DNAH2: variants seen among roughly 807,000 people sequenced by gnomAD.
DNAH2 encodes axonemal beta dynein heavy chain 2.
DNAH2 carries 323 observed loss-of-function variants against 523.5 expected under a neutral mutation model. That is an observed-to-expected ratio of 0.62 (90% CI 0.56 to 0.68). The LOEUF (loss-of-function observed/expected upper bound fraction) is 0.68. Ranked by LOEUF, DNAH2 falls within the 30% of genes least tolerant of loss-of-function variation. The probability of loss-of-function intolerance (pLI) is 0.00; values close to 1 mark genes in which losing one functional copy is unlikely to be tolerated. For missense variants in DNAH2, 4,907 were observed against 5,701.5 expected (o/e 0.86, Z 4.49); for synonymous variants, 2,093 against 2,177.4 (o/e 0.96, Z 1.08).
In DNAH2 at chr17:7,763,836, C is replaced by T. The variant is rs748734132; in HGVS notation, c.2984C>T (p.Thr995Met). Residue 995 changes from threonine to methionine, a missense_variant, in exon 19 of 86, where the codon ACG (threonine) becomes ATG (methionine). Coordinates refer to ENST00000572933, the MANE Select transcript of DNAH2 (RefSeq NM_020877.5). ...SSFVADIARYTEVANNVQKEE... is the reference protein window; with the variant it reads ...SSFVADIARYMEVANNVQKEE... ...GGGATCTGGGGCTCTTGCAGCTACA[C>T]GGAAGTTGCTAATAACGTGCAGAAG... The T allele has an allele frequency of 3.7e-6, 6 of 1,613,920 alleles. No homozygotes were observed. The African/African-American group carries it at 4.0e-5, about 11-fold the overall frequency.
chr17:7,784,389 GAGAATCGGCCA>G (rs1211808944), intron 39 of DNAH2, among the ~76,000 whole-genome samples: 3 of 152,112 alleles, frequency 2.0e-5, no homozygotes, highest in Non-Finnish European at 4.4e-5. Flanking sequence ...TCAATAATTG[GAGAATCGGCCA>G]GGCATGTTGG....
intron 42 of DNAH2, chr17:7,787,408 A>G (rs1455476721): frequency 3.3e-6 from 1 of 303,506 alleles, no homozygotes; most frequent in Non-Finnish European, 6.1e-6. Context: ...TGATTTTTCA[A>G]AAGGACAACC....
At position 7,816,732 on chromosome 17, in the gene DNAH2, C is replaced by T; in HGVS notation, c.9891C>T (p.Val3297=). ...AGEKARWEET[V]QGLEEDLGYL... The stretch of plus-strand genomic sequence containing the variant: ...AGAAGGCCAGATGGGAGGAGACAGT[C>T]CAGGTGAGATCAGCTGTACTACCTG... Residue 3297 remains valine, a synonymous_variant, in exon 64 of 86, where the codon GTC becomes GTT. Coordinates refer to ENST00000572933, the MANE Select transcript of DNAH2 (RefSeq NM_020877.5). 2.5e-6 allele frequency: 4 copies of T among 1,613,508 alleles called. No individual in the cohort carries two copies. Among genetic ancestry groups the T allele is most frequent in the Non-Finnish European group, 3.4e-6 (4 of 1,179,988 alleles).
In DNAH2 at chr17:7,832,917, T is replaced by G. The variant is rs1474867421; in HGVS notation, c.12967T>G (p.Tyr4323Asp). Residue 4323 changes from tyrosine to aspartate, a missense_variant, in exon 84 of 86, where the codon TAT becomes GAT. By Grantham distance (160) the Tyr-to-Asp change is radical. This residue lies in a region of DNAH2 where 1,851 missense variants were observed against 2,139.4 expected (regional missense o/e 0.87). Transcript: ENST00000572933. This position sits in a 1 kb window ranked among gnomAD's most constrained non-coding sequence, Gnocchi z 4.3. ...CACTGTGGATGACAGCAACCTAGTGTATCCCCCCAAGGTGGGAGCCAGTTG... is the reference window on the plus strand; with the variant it reads ...CACTGTGGATGACAGCAACCTAGTGGATCCCCCCAAGGTGGGAGCCAGTTG... ...VSTVDDSNLV[Y>D]PPKDGVWVRG... The G allele has an allele frequency of 6.2e-7, 1 of 1,614,170 alleles. No individual in the cohort carries two copies. The highest frequency in any genetic ancestry group is 2.2e-5 in the East Asian group (1 of 44,884).
chr17:7,757,233 A>G lies in DNAH2; in HGVS notation c.2047A>G (p.Asn683Asp). 1 of 1,614,038 alleles carries G rather than the reference A, an allele frequency of 6.2e-7. No individual in the cohort carries two copies. Among genetic ancestry groups the G allele is most frequent in the South Asian group, 1.1e-5 (1 of 91,078 alleles). ...TCTGCTACTCGTTGCTAGAGACTAC[A>G]ATAGGTAGGGCTTCAGTCCTCACTG... ...ENLLLVARDY[N>D]RIIAMLSPDE... Residue 683 changes from asparagine to aspartate, a missense_variant, in exon 13 of 86, where the codon AAT (asparagine) becomes GAT (aspartate). Transcript: ENST00000572933.
chr17:7,742,875 C>CGTGT, intron 11 of DNAH2, 53 bp from the exon 12 acceptor site: 1 of 1,337,434 alleles, frequency 7.5e-7, no homozygotes, highest in Non-Finnish European at 9.8e-7. Context: ...AGATGGTGGC[C>CGTGT]CCTGGAGGAA....
rs765920479 is a variant in DNAH2 at position 7,737,121 on chromosome 17, C to A, written c.1033C>A (p.Pro345Thr). 5.0e-6 allele frequency: 8 copies of A among 1,614,138 alleles called. No homozygotes were observed. The highest frequency in any genetic ancestry group is 2.2e-5 in the East Asian group (1 of 44,884). The change falls in exon 8 of 86, where the codon CCT (proline) becomes ACT (threonine). Residue 345 changes from proline (P) to threonine (T), a missense_variant. Physicochemically the swap from Pro to Thr is conservative, Grantham distance 38. Coordinates refer to ENST00000572933, the MANE Select transcript of DNAH2 (RefSeq NM_020877.5). Reference sequence around the variant, plus strand: ...GACCTTTTTGTCAATCCTGAAGGAACCTTACCAGGAGTTGGCTTTCATGAA... The same window carrying A: ...GACCTTTTTGTCAATCCTGAAGGAAACTTACCAGGAGTTGGCTTTCATGAA... Reference protein sequence around the residue: ...NLTFLSILKEPYQELAFMKPK... With the variant: ...NLTFLSILKETYQELAFMKPK...
In DNAH2 at chr17:7,831,953, C is replaced by A. The variant is rs2078187776; in HGVS notation, c.12726+178C>A. Among the ~76,000 whole-genome samples the A allele has an allele frequency of 6.6e-6, 1 of 152,216 alleles. No homozygotes were observed. The stretch of plus-strand genomic sequence containing the variant: ...CCATTCATTGACTGACTTCATACAA[C>A]TTATTAACTTACAGACTCACTCAGG... On this transcript the variant is annotated intron_variant, in intron 82 of 85. Coordinates refer to ENST00000572933, the MANE Select transcript of DNAH2 (RefSeq NM_020877.5). This position sits in a 1 kb window ranked among gnomAD's most constrained non-coding sequence, Gnocchi z 4.2.
Position 7,821,163 on chromosome 17 carries a change from TA to T in DNAH2, c.11016-79del. On this transcript the variant is annotated intron_variant, in intron 72 of 85. Coordinates refer to ENST00000572933, the MANE Select transcript of DNAH2 (RefSeq NM_020877.5). The surrounding 1 kb of genome is among the most constrained non-coding windows in gnomAD (Gnocchi z 5.0). The stretch of plus-strand genomic sequence containing the variant: ...AGGTCCTCTGTGTGAAGCTGTGTGA[TA>T]GTAGCATCATAGCATTCGCATGGAG... 6.5e-7 allele frequency: 1 copy of T among 1,545,292 alleles called. No homozygotes were observed.
chr17:7,759,172 C>T (rs1042955034), intron 15 of DNAH2, 48 bp downstream of exon 15: 4 of 1,607,080 alleles, frequency 2.5e-6, no homozygotes, highest in East Asian at 4.5e-5. Flanking sequence ...ACCACAGTCC[C>T]CCAGTTCCAT....
At chr17:7,730,857 G>A (rs531025362) in intron 4 of DNAH2, among the ~76,000 whole-genome samples, 1 of 152,162 alleles carries the variant, frequency 6.6e-6, no homozygotes, top group Non-Finnish European at 1.5e-5. Flanking sequence ...GCTCACGCCT[G>A]TAATCCTAGC....
At chr17:7,823,800 T>A in intron 74 of DNAH2, 34 bp from the exon 75 acceptor site, 1 of 1,609,392 alleles carries the variant, frequency 6.2e-7, no homozygotes, top group Non-Finnish European at 8.5e-7. Context: ...CCAGACTCAC[T>A]CCCTCTCCCT....
chr17:7,833,499 G>T lies in DNAH2; in HGVS notation c.13250G>T (p.Arg4417Met), dbSNP rs1409543478. ...ATGACACCTGATCATTGGATCAAGA[G>T]GGGCACTGCTCTACTCATGAGCCTG... ...GAMTPDHWIKRGTALLMSLDS is the reference protein window; with the variant it reads ...GAMTPDHWIKMGTALLMSLDS The change falls in exon 86 of 86, where the codon AGG becomes ATG. Residue 4417 changes from arginine to methionine, a missense_variant. Transcript: ENST00000572933. 6.2e-7 allele frequency: 1 copy of T among 1,613,952 alleles called. No individual in the cohort carries two copies. The highest frequency in any genetic ancestry group is 1.7e-5 in the Admixed American group (1 of 60,002).
At position 7,760,839 on chromosome 17, in the gene DNAH2, A is replaced by C. The variant is rs2075984486; in HGVS notation, c.2885A>C (p.Tyr962Ser). ...AACTACCTCAAGACCTGGGACATGT[A>C]CCGGGAGATCTGGGAGATCAACAAG... ...LQNYLKTWDM[Y>S]REIWEINKDS... The change falls in exon 18 of 86, where the codon TAC (tyrosine) becomes TCC (serine). Residue 962 changes from tyrosine to serine, a missense_variant. Around this residue, in one of 3 missense-constraint regions of DNAH2, gnomAD observed 2,806 missense variants for 3,190.8 expected, o/e 0.88. Coordinates refer to ENST00000572933, the MANE Select transcript of DNAH2 (RefSeq NM_020877.5). This position sits in a 1 kb window ranked among gnomAD's most constrained non-coding sequence, Gnocchi z 4.0. 6.2e-7 allele frequency: 1 copy of C among 1,614,092 alleles called. No individual in the cohort carries two copies. Among genetic ancestry groups the C allele is most frequent in the Non-Finnish European group, 8.5e-7 (1 of 1,180,052 alleles).
intron 24 of DNAH2, among the ~76,000 whole-genome samples, chr17:7,769,313 C>T (rs1002953655): frequency 6.6e-6 from 1 of 152,122 alleles, no homozygotes; most frequent in Non-Finnish European, 1.5e-5. Flanking sequence ...AGGCACCTGC[C>T]ACCATGCTCT....
Position 7,798,168 on chromosome 17 carries a change from G to A in DNAH2, c.8242G>A (p.Val2748Met), listed in dbSNP as rs376252032. The change falls in exon 54 of 86, where the codon GTG (valine) becomes ATG (methionine). Residue 2748 changes from valine to methionine, a missense_variant. Physicochemically the swap from Val to Met is conservative, Grantham distance 21. Coordinates refer to ENST00000572933, the MANE Select transcript of DNAH2 (RefSeq NM_020877.5). This position sits in a 1 kb window ranked among gnomAD's most constrained non-coding sequence, Gnocchi z 5.5. The stretch of plus-strand genomic sequence containing the variant: ...CACCCCACCCCCAGTCACACGGATC[G>A]TGCGGGTCATTGGACAGCCTCGGGG... ...REAIEHITRI[V>M]RVIGQPRGNM... 1.9e-4 allele frequency: 297 copies of A among 1,601,458 alleles called. No individual in the cohort carries two copies. Among genetic ancestry groups the A allele is most frequent in the South Asian group, 1.7e-3 (150 of 90,518 alleles).
Position 7,821,432 on chromosome 17 carries a change from T to G in DNAH2, c.11142+63T>G. The G allele has an allele frequency of 6.4e-7, 1 of 1,552,390 alleles. No homozygotes were observed. The highest frequency in any genetic ancestry group is 8.7e-7 in the Non-Finnish European group (1 of 1,145,362). On this transcript the variant is annotated intron_variant, in intron 73 of 85. Transcript: ENST00000572933. The surrounding 1 kb of genome is among the most constrained non-coding windows in gnomAD (Gnocchi z 5.0). The stretch of plus-strand genomic sequence containing the variant: ...TCAAGGTTGGGGATGAGGGCAAGTG[T>G]GACAAGGACTCCAGACCCAGAGGGT...
intron 28 of DNAH2, among the ~76,000 whole-genome samples, chr17:7,772,057 T>C (rs1013559825): frequency 2.0e-5 from 3 of 151,910 alleles, no homozygotes; most frequent in African/African-American, 4.8e-5. Context: ...CCTTCAGCCA[T>C]GGGATGGGGT....
rs1323451848 is a variant in DNAH2 at position 7,821,399 on chromosome 17, T to C, written c.11142+30T>C. On this transcript the variant is annotated intron_variant, in intron 73 of 85. Coordinates refer to ENST00000572933, the MANE Select transcript of DNAH2 (RefSeq NM_020877.5). This position sits in a 1 kb window ranked among gnomAD's most constrained non-coding sequence, Gnocchi z 5.0. ...GTTGGGCAGAGAGCACATCCCAGGA[T>C]GGGATGGTCAAGGTTGGGGATGAGG... 3.1e-6 allele frequency: 5 copies of C among 1,603,588 alleles called. No individual in the cohort carries two copies. The African/African-American group carries it at 6.7e-5, about 21-fold the overall frequency.
Sources: gnomAD v4.1 joint callset for allele counts (sites outside exome capture counted in the v4.1 genomes callset) on GRCh38, gnomAD v4.1.1 for gene constraint, gnomAD v4.1.1 regional missense constraint, Gnocchi (gnomAD v3.1) non-coding constraint, MANE v1.5 for transcripts, NCBI Gene and HGNC (gene_info 2026-07-23, HGNC 2026-07-21) for gene names.